The following CEP126 variants were observed in gnomAD, a reference collection of about 807,000 sequenced individuals.
CEP126 encodes the protein centrosomal protein of 126 kDa.
A neutral mutation model predicts 107.8 loss-of-function variants in CEP126; 74 were observed. That is an observed-to-expected ratio of 0.69 (90% CI 0.57 to 0.83). The LOEUF (loss-of-function observed/expected upper bound fraction) is 0.83, where lower values mean the gene tolerates loss of function less well. CEP126 is among the 40% of genes least tolerant of loss of function. The probability of loss-of-function intolerance (pLI) is 0.00; values close to 1 mark genes in which losing one functional copy is unlikely to be tolerated. For missense variants in CEP126, 1,237 were observed against 1,281.9 expected, an observed-to-expected ratio of 0.96 and a Z score of 0.53; for synonymous variants, 449 against 446.0, an observed-to-expected ratio of 1.01 and a Z score of -0.08.
chr11:101,948,020 T>TA lies in CEP126; in HGVS notation c.395-10dup. ...TGATTCTGTACTGTTCGGTCTTTAT[T>TA]ATCTCTTTAGTTTCCCGAAAACCAG... On this transcript the variant is annotated splice_polypyrimidine_tract_variant and intron_variant, in intron 3 of 10. Coordinates refer to ENST00000263468, the MANE Select transcript of CEP126 (RefSeq NM_020802.4). 6.6e-7 allele frequency: 1 copy of TA among 1,524,428 alleles called. No individual in the cohort carries two copies. The highest frequency in any genetic ancestry group is 9.1e-7 in the Non-Finnish European group (1 of 1,101,074). 94.4% of individuals were successfully genotyped at this position (1,524,428 alleles called of 1,614,324 possible).
chr11:101,958,117 G>A (rs1465503350), intron 4 of CEP126, 51 bp from the exon 5 acceptor site: 1 of 1,491,932 alleles, frequency 6.7e-7, no homozygotes, highest in Non-Finnish European at 9.2e-7. Context: ...CATATAGAAA[G>A]AAGTTAACTT....
In CEP126 at chr11:101,984,296, C is replaced by A. The variant is rs569794458; in HGVS notation, c.3034+2332C>A. On this transcript the variant is annotated intron_variant, in intron 8 of 10. Transcript: ENST00000263468. ...TAAAGACACAATTGTGCATTCCTGG[C>A]ACAACCTCTGGCCTGCAACTATGTT... is the stretch of plus-strand genomic sequence containing the variant. 6.6e-5 allele frequency among the ~76,000 whole-genome samples: 10 copies of A among 152,298 alleles called. No individual in the cohort carries two copies. The South Asian group carries it at 2.1e-3, about 32-fold the overall frequency.
chr11:101,918,011 A>C (rs1393468063), intron 1 of CEP126, among the ~76,000 whole-genome samples: 1 of 152,186 alleles, frequency 6.6e-6, no homozygotes, highest in Non-Finnish European at 1.5e-5. Flanking sequence ...CACACTCGAT[A>C]GACTGTCTTA....
chr11:101,926,131 T>C (rs1031079670), intron 2 of CEP126, among the ~76,000 whole-genome samples: 4 of 152,078 alleles, frequency 2.6e-5, no homozygotes, highest in African/African-American at 9.7e-5. Flanking sequence ...AGATTACTGA[T>C]AGTGAAGTAA....
intron 1 of CEP126, among the ~76,000 whole-genome samples, chr11:101,917,852 T>G (rs1940252352): frequency 1.3e-5 from 2 of 152,168 alleles, no homozygotes; most frequent in African/African-American, 4.8e-5. Flanking sequence ...TACTCCTTCA[T>G]GCGAATAATA....
intron 10 of CEP126, among the ~76,000 whole-genome samples, chr11:101,996,844 G>A (rs1941447759): frequency 6.6e-6 from 1 of 152,094 alleles, no homozygotes. Context: ...GTGGGTTCCA[G>A]GCCCTTTCAT....
chr11:101,955,692 A>G (rs1018407966), intron 4 of CEP126: 3 of 359,032 alleles, frequency 8.4e-6, no homozygotes, highest in Admixed American at 7.5e-5. Flanking sequence ...AGAAAATAAC[A>G]TGAATCAAAA....
chr11:101,982,142 T>A (rs1941263318), intron 8 of CEP126, among the ~76,000 whole-genome samples, 178 bp downstream of exon 8: 1 of 152,188 alleles, frequency 6.6e-6, no homozygotes, highest in Non-Finnish European at 1.5e-5. Flanking sequence ...TAAATAATAA[T>A]GTATTGAACA....
At chr11:101,969,770 A>G (rs1282041376) in intron 6 of CEP126, among the ~76,000 whole-genome samples, 1 of 152,236 alleles carries the variant, frequency 6.6e-6, no homozygotes, top group African/African-American at 2.4e-5. Context: ...AGACCAATTA[A>G]ATAGAGAGTC....
chr11:101,961,682 C>T (rs1047659823), intron 5 of CEP126, 59 bp from the exon 6 acceptor site: 13 of 933,516 alleles, frequency 1.4e-5, no homozygotes, highest in South Asian at 7.2e-5. Context: ...TATGTTGAAT[C>T]GTTAATCTTG....
At chr11:101,928,591 T>TG (rs1393145629) in intron 2 of CEP126, among the ~76,000 whole-genome samples, 1 of 152,176 alleles carries the variant, frequency 6.6e-6, no homozygotes, top group Non-Finnish European at 1.5e-5. Flanking sequence ...GATAGTTTTT[T>TG]GGGGGTGTGT....
At chr11:101,991,646 A>T (rs779969969) in intron 9 of CEP126, among the ~76,000 whole-genome samples, 1 of 152,216 alleles carries the variant, frequency 6.6e-6, no homozygotes, top group Non-Finnish European at 1.5e-5. Flanking sequence ...AAAATGTTTT[A>T]TATGTGTTCA....
chr11:101,966,081 A>G (rs1242876855), intron 6 of CEP126, among the ~76,000 whole-genome samples: 1 of 152,184 alleles, frequency 6.6e-6, no homozygotes, highest in Admixed American at 6.5e-5. Context: ...CATTTAGTCA[A>G]AGGAGGTAGT....
At position 101,962,056 on chromosome 11, in the gene CEP126, G is replaced by C. The variant is rs1054195037; in HGVS notation, c.1021G>C (p.Glu341Gln). The C allele has an allele frequency of 1.4e-5, 23 of 1,612,928 alleles. No homozygotes were observed. The highest frequency in any genetic ancestry group is 1.9e-5 in the Non-Finnish European group (23 of 1,179,514). The change falls in exon 6 of 11, where the codon GAA becomes CAA. Residue 341 changes from glutamate to glutamine, a missense_variant. This residue lies in a region of CEP126 where 1,134 missense variants were observed against 1,150.5 expected (regional missense o/e 0.99). Transcript: ENST00000263468. Reference sequence around the variant, plus strand: ...TAAATCTAATGTTCTGCCTTCATGGGAATATTTTAATAGTAAAGAACAAAA... The same window carrying C: ...TAAATCTAATGTTCTGCCTTCATGGCAATATTTTAATAGTAAAGAACAAAA... ...LSKSNVLPSW[E>Q]YFNSKEQNPS... is the part of the protein sequence containing the mutation.
Position 101,997,591 on chromosome 11 carries a change from A to C in CEP126, c.3310-8A>C. Reference sequence around the variant, plus strand: ...TTTGCATGCTTGTTTCTTCTTTCTGATTTCCAGGAGAAGAGAGAAGATAGA... The same window carrying C: ...TTTGCATGCTTGTTTCTTCTTTCTGCTTTCCAGGAGAAGAGAGAAGATAGA... On this transcript the variant is annotated splice_polypyrimidine_tract_variant and splice_region_variant and intron_variant, in intron 10 of 10. Coordinates refer to ENST00000263468, the MANE Select transcript of CEP126 (RefSeq NM_020802.4). 1 of 1,613,942 alleles carries C rather than the reference A, an allele frequency of 6.2e-7. No individual in the cohort carries two copies. Among genetic ancestry groups the C allele is most frequent in the Non-Finnish European group, 8.5e-7 (1 of 1,179,972 alleles).
chr11:101,939,394 C>T (rs1940635975), intron 2 of CEP126, among the ~76,000 whole-genome samples: 1 of 152,082 alleles, frequency 6.6e-6, no homozygotes, highest in Non-Finnish European at 1.5e-5. Context: ...ATAAATTTGT[C>T]TGGTATTAAT....
At chr11:101,944,657 T>G (rs1236622330) in intron 3 of CEP126, among the ~76,000 whole-genome samples, 1 of 152,200 alleles carries the variant, frequency 6.6e-6, no homozygotes, top group African/African-American at 2.4e-5. Context: ...CTGGTTACAA[T>G]GGTTTGTCCT....
rs769635226 is a variant in CEP126, at chr11:101,986,818, G to A, written c.3035-14G>A. On this transcript the variant is annotated splice_polypyrimidine_tract_variant and intron_variant, in intron 8 of 10. Transcript: ENST00000263468. ...AAAAGGGGTTCAAAGAATAACTGAT[G>A]TAAGTTTCTGTAGTTTCAGATAGTA... The A allele has an allele frequency of 8.1e-6, 13 of 1,606,572 alleles. No homozygotes were observed. Among genetic ancestry groups the A allele is most frequent in the Non-Finnish European group, 1.0e-5 (12 of 1,173,686 alleles).
chr11:101,996,283 G>A (rs1231184222), intron 10 of CEP126, among the ~76,000 whole-genome samples: 1 of 152,200 alleles, frequency 6.6e-6, no homozygotes, highest in Non-Finnish European at 1.5e-5. Context: ...GCTTGGGCAT[G>A]CTTGGATTAT....
Sources: allele counts gnomAD v4.1 joint callset (sites outside exome capture counted in the v4.1 genomes callset), GRCh38; gene constraint gnomAD v4.1.1; regional missense constraint gnomAD v4.1.1; transcripts MANE v1.5; gene names NCBI Gene and HGNC (gene_info 2026-07-23, HGNC 2026-07-21).